Variants in NOL4 observed in about 807,000 individuals in gnomAD.
NOL4 encodes the protein cancer/testis antigen 125.
NOL4 carries 17 observed loss-of-function variants against 75.9 expected under a neutral mutation model. That is an observed-to-expected ratio of 0.22 (90% CI 0.15 to 0.34). The LOEUF (loss-of-function observed/expected upper bound fraction) is 0.34. Ranked by LOEUF, NOL4 falls within the 10% of genes least tolerant of loss-of-function variation. The pLI is 1.00. For missense variants in NOL4, 614 were observed against 793.5 expected, an observed-to-expected ratio of 0.77 and a Z score of 2.72; for synonymous variants, 292 against 289.9, an observed-to-expected ratio of 1.01 and a Z score of -0.07.
At chr18:34,165,057 C>T (rs1171490300) in intron 1 of NOL4, among the ~76,000 whole-genome samples, 1 of 135,998 alleles carries the variant, frequency 7.4e-6, no homozygotes, top group African/African-American at 2.8e-5. Context: ...CACATGGACA[C>T]AGGAAGGGGA....
chr18:33,870,254 A>ATGC lies in NOL4; in HGVS notation c.1723+12987_1723+12989dup, dbSNP rs536577103. Among the ~76,000 whole-genome samples, 45 of 152,154 alleles carry ATGC rather than the reference A, an allele frequency of 3.0e-4. 1 individual carries two copies. Among genetic ancestry groups the ATGC allele is most frequent in the Admixed American group, 2.8e-3 (43 of 15,222 alleles). On this transcript the variant is annotated intron_variant, in intron 10 of 10. Transcript: ENST00000261592. ...AAATAAACCAGGAACAAAAAGACAG[A>ATGC]TGCTGCATGATCTCACTCATATGTG...
At chr18:34,209,802 G>C (rs1366577559) in intron 1 of NOL4, among the ~76,000 whole-genome samples, 2 of 152,122 alleles carry the variant, frequency 1.3e-5, no homozygotes, top group African/African-American at 4.8e-5. Context: ...TAATTAAAAG[G>C]GGTTAAATAT....
chr18:34,058,355 C>G (rs190004066), intron 5 of NOL4, among the ~76,000 whole-genome samples: 1 of 152,140 alleles, frequency 6.6e-6, no homozygotes, highest in Non-Finnish European at 1.5e-5. Context: ...AGGATGGTCT[C>G]GATCTCCTGA....
intron 5 of NOL4, among the ~76,000 whole-genome samples, chr18:34,079,716 A>T (rs1467756933): frequency 3.3e-5 from 5 of 152,140 alleles, no homozygotes; most frequent in African/African-American, 1.2e-4. Context: ...GGAAGAAAAA[A>T]AAAGTTCTTA....
At chr18:33,966,355 A>C (rs1412487372) in intron 6 of NOL4, among the ~76,000 whole-genome samples, 3 of 152,196 alleles carry the variant, frequency 2.0e-5, no homozygotes, top group African/African-American at 7.2e-5. Context: ...GACTAGGCAA[A>C]AGCTGGAAGC....
At chr18:34,008,911 A>G (rs193028779) in intron 6 of NOL4, among the ~76,000 whole-genome samples, 1 of 152,032 alleles carries the variant, frequency 6.6e-6, no homozygotes, top group South Asian at 2.1e-4. Flanking sequence ...TCAATGCAAC[A>G]TATTCCCATG....
chr18:33,913,459 A>T (rs1335812238), intron 9 of NOL4, among the ~76,000 whole-genome samples: 1 of 152,168 alleles, frequency 6.6e-6, no homozygotes. Flanking sequence ...ATTTCAGTAC[A>T]CACTACTTTA....
intron 1 of NOL4, among the ~76,000 whole-genome samples, chr18:34,164,230 A>C (rs1391977029): frequency 1.3e-5 from 2 of 152,022 alleles, no homozygotes; most frequent in African/African-American, 4.8e-5. Flanking sequence ...CAAAAGCCAG[A>C]ATTGACAAAT....
chr18:33,957,271 G>A (rs1568125093), intron 8 of NOL4, 55 bp downstream of exon 8: 1 of 1,358,014 alleles, frequency 7.4e-7, no homozygotes. Context: ...TAGTGTCATG[G>A]TTTACATGTG....
chr18:33,906,429 T>C (rs910421616), intron 9 of NOL4, among the ~76,000 whole-genome samples: 1 of 152,212 alleles, frequency 6.6e-6, no homozygotes, highest in Non-Finnish European at 1.5e-5. Flanking sequence ...ATAAGGTCAC[T>C]GACCTTGTTC....
At chr18:33,952,395 T>A (rs547785872) in intron 8 of NOL4, among the ~76,000 whole-genome samples, 1 of 152,284 alleles carries the variant, frequency 6.6e-6, no homozygotes, top group East Asian at 1.9e-4. Context: ...CAGTCTCATA[T>A]GATGAACTAA....
At chr18:33,878,079 T>C (rs2064037473) in intron 10 of NOL4, among the ~76,000 whole-genome samples, 1 of 152,062 alleles carries the variant, frequency 6.6e-6, no homozygotes, top group Non-Finnish European at 1.5e-5. Context: ...AGGTTTTAGA[T>C]GGTGAAGTGA....
chr18:34,140,483 CAG>C (rs2081096449), intron 1 of NOL4, among the ~76,000 whole-genome samples: 1 of 152,076 alleles, frequency 6.6e-6, no homozygotes, highest in Non-Finnish European at 1.5e-5. Context: ...TCTGTTTTAT[CAG>C]AGACTAGGAT....
chr18:33,918,246 G>C (rs2072578899), intron 9 of NOL4, among the ~76,000 whole-genome samples: 1 of 152,138 alleles, frequency 6.6e-6, no homozygotes, highest in Admixed American at 6.5e-5. Flanking sequence ...ACTGAGCAAG[G>C]CTGCTGGTTT....
intron 5 of NOL4, among the ~76,000 whole-genome samples, chr18:34,027,061 C>T (rs1242216549): frequency 3.9e-5 from 6 of 152,192 alleles, no homozygotes; most frequent in Non-Finnish European, 8.8e-5. Context: ...CACTTAATGA[C>T]ATGTGTCGCA....
At position 34,046,615 on chromosome 18, in the gene NOL4, T is replaced by TATATATATATATA. The variant is rs1555703551; in HGVS notation, c.773-27027_773-27015dup. On this transcript the variant is annotated intron_variant, in intron 5 of 10. Coordinates refer to ENST00000261592, the MANE Select transcript of NOL4 (RefSeq NM_003787.5). Reference sequence around the variant, plus strand: ...TTTACTATTTACTTATACATATATATATATATATATATATATATATATGTA... The same window carrying TATATATATATATA: ...TTTACTATTTACTTATACATATATATATATATATATATAATATATATATATATATATATATGTA... Among the ~76,000 whole-genome samples, 228 of 116,530 alleles carry TATATATATATATA rather than the reference T, an allele frequency of 2.0e-3. 11 individuals carry two copies. The highest frequency in any genetic ancestry group is 6.2e-3 in the African/African-American group (212 of 34,470). 76.4% of individuals were successfully genotyped at this position (116,530 alleles called of 152,430 possible).
intron 1 of NOL4, chr18:34,222,020 C>T (rs1470865811): frequency 1.3e-6 from 2 of 1,535,038 alleles, no homozygotes; most frequent in African/African-American, 1.4e-5. Flanking sequence ...GAGTACCCAC[C>T]GTGGCATGAT....
chr18:33,900,983 T>C (rs2065715502), intron 9 of NOL4, among the ~76,000 whole-genome samples: 6 of 152,182 alleles, frequency 3.9e-5, no homozygotes, highest in Admixed American at 3.3e-4. Context: ...TATAAGTAAA[T>C]GAGTACTTGT....
intron 6 of NOL4, among the ~76,000 whole-genome samples, chr18:33,993,393 G>C (rs1193711589): frequency 6.6e-6 from 1 of 151,900 alleles, no homozygotes; most frequent in East Asian, 1.9e-4. Context: ...CCCTTAACAT[G>C]ATGTAGTAGA....
Sources: gnomAD v4.1 joint callset for allele counts (sites outside exome capture counted in the v4.1 genomes callset) on GRCh38, gnomAD v4.1.1 for gene constraint, MANE v1.5 for transcripts, NCBI Gene and HGNC (gene_info 2026-07-23, HGNC 2026-07-21) for gene names.